MYT1L: variants seen among roughly 807,000 people sequenced by gnomAD.
MYT1L encodes the protein myelin transcription factor 1 like, also known as myelin transcription factor 1-like protein.
A neutral mutation model predicts 126.7 loss-of-function variants in MYT1L; 12 were observed. That is an observed-to-expected ratio of 0.09 (90% CI 0.06 to 0.15). The LOEUF is 0.15. Ranked by LOEUF, MYT1L falls within the 10% of genes least tolerant of loss-of-function variation. The pLI is 1.00. For synonymous variants in MYT1L, 541 were observed against 604.2 expected (o/e 0.90, Z 1.53); for missense variants, 979 against 1,585.2 (o/e 0.62, Z 6.49).
At chr2:2,166,499 C>T (rs761520113) in intron 3 of MYT1L, among the ~76,000 whole-genome samples, 27 of 152,176 alleles carry the variant, frequency 1.8e-4, no homozygotes, top group Non-Finnish European at 3.4e-4. Flanking sequence ...GAATTGAAAT[C>T]CAGAGCTGTT....
At chr2:2,249,708 C>A (rs554617964) in intron 2 of MYT1L, among the ~76,000 whole-genome samples, 3 of 151,924 alleles carry the variant, frequency 2.0e-5, no homozygotes, top group East Asian at 1.9e-4. Flanking sequence ...TTCTTCACAG[C>A]AAAGGAAACA....
chr2:2,097,744 G>A (rs2077598188), intron 3 of MYT1L, among the ~76,000 whole-genome samples: 2 of 152,102 alleles, frequency 1.3e-5, no homozygotes, highest in East Asian at 1.9e-4. Flanking sequence ...GGTACTCATC[G>A]GGTATATGAT....
At chr2:2,011,246 C>A (rs887876127) in intron 4 of MYT1L, among the ~76,000 whole-genome samples, 1 of 151,918 alleles carries the variant, frequency 6.6e-6, no homozygotes, top group African/African-American at 2.4e-5. Context: ...AAAAAATTAG[C>A]CAGGCATGGT....
chr2:1,971,322 G>A (rs936568129), intron 8 of MYT1L, among the ~76,000 whole-genome samples: 3 of 152,298 alleles, frequency 2.0e-5, no homozygotes, highest in East Asian at 3.9e-4. Context: ...TGGGGCTGAC[G>A]CACTACAGAC....
At chr2:1,975,244 G>GACTGCCAGATCCCACCGCCAGATCCC (rs2060079657) in intron 8 of MYT1L, among the ~76,000 whole-genome samples, 1 of 60,354 alleles carries the variant, frequency 1.7e-5, no homozygotes, top group Non-Finnish European at 2.9e-5. Flanking sequence ...TCACCAAACA[G>GACTGCCAGATCCCACCGCCAGATCCC]ACTGCCAGAT....
chr2:2,237,882 C>T (rs575977517), intron 2 of MYT1L, among the ~76,000 whole-genome samples: 19 of 152,232 alleles, frequency 1.2e-4, no homozygotes, highest in East Asian at 3.9e-4. Context: ...CCTGGGACAG[C>T]GGTCACCTGC....
At chr2:2,072,549 CT>C (rs1414327134) in intron 3 of MYT1L, among the ~76,000 whole-genome samples, 1 of 152,150 alleles carries the variant, frequency 6.6e-6, no homozygotes, top group Non-Finnish European at 1.5e-5. Flanking sequence ...ACCTTGGTAG[CT>C]TACAAATAAC....
chr2:1,833,537 CCTCCGTCCTGGGCTT>C (rs1195399009), intron 21 of MYT1L, among the ~76,000 whole-genome samples: 6 of 152,180 alleles, frequency 3.9e-5, no homozygotes, highest in African/African-American at 1.4e-4. Flanking sequence ...CTCCCTGACT[CCTCCGTCCTGGGCTT>C]CTCCATGTGC....
At chr2:2,154,807 C>T (rs1007390188) in intron 3 of MYT1L, among the ~76,000 whole-genome samples, 2 of 152,162 alleles carry the variant, frequency 1.3e-5, no homozygotes, top group African/African-American at 2.4e-5. Context: ...CAAACCTGCA[C>T]ATGTACCCCT....
intron 9 of MYT1L, among the ~76,000 whole-genome samples, chr2:1,941,665 G>GTAATT (rs2056661392): frequency 1.4e-5 from 2 of 140,764 alleles, no homozygotes; most frequent in African/African-American, 5.3e-5. Context: ...TTTATGTAAT[G>GTAATT]CATGTGTGTG....
intron 4 of MYT1L, among the ~76,000 whole-genome samples, chr2:2,014,838 G>A (rs938842140): frequency 1.3e-5 from 2 of 152,246 alleles, no homozygotes; most frequent in African/African-American, 2.4e-5. Context: ...TTCCCCTTAA[G>A]AGGGGTGCTA....
intron 3 of MYT1L, among the ~76,000 whole-genome samples, chr2:2,056,071 A>T (rs2069512765): frequency 6.6e-6 from 1 of 152,232 alleles, no homozygotes; most frequent in South Asian, 2.1e-4. Flanking sequence ...AAGTATCTAC[A>T]AAACAGAATT....
intron 9 of MYT1L, among the ~76,000 whole-genome samples, chr2:1,939,816 G>A (rs904220861): frequency 6.6e-6 from 1 of 152,230 alleles, no homozygotes. Flanking sequence ...TGCAGGTGAC[G>A]TTGGCTAAAT....
At chr2:1,844,549 G>T (rs762848491) in intron 19 of MYT1L, among the ~76,000 whole-genome samples, 3 of 152,176 alleles carry the variant, frequency 2.0e-5, no homozygotes, top group Non-Finnish European at 4.4e-5. Context: ...TTGCGCCAAG[G>T]GAGAGAAGGA....
intron 2 of MYT1L, among the ~76,000 whole-genome samples, chr2:2,271,404 G>A (rs577272865): frequency 1.7e-4 from 26 of 152,140 alleles, no homozygotes; most frequent in Non-Finnish European, 3.5e-4. Context: ...ATATGATAAA[G>A]GATGGCTTAA....
At chr2:2,147,760 C>T (rs1004839561) in intron 3 of MYT1L, among the ~76,000 whole-genome samples, 3 of 152,196 alleles carry the variant, frequency 2.0e-5, no homozygotes, top group African/African-American at 4.8e-5. Flanking sequence ...GTGTCTGCGT[C>T]CCAGACGAGG....
intron 15 of MYT1L, among the ~76,000 whole-genome samples, chr2:1,891,707 C>A (rs1028747793): frequency 2.8e-4 from 42 of 152,248 alleles, no homozygotes; most frequent in African/African-American, 8.9e-4. Context: ...ATGCTCTGTG[C>A]GGTCACTGGA....
intron 2 of MYT1L, among the ~76,000 whole-genome samples, chr2:2,245,732 G>A (rs534708237): frequency 1.7e-4 from 26 of 152,144 alleles, no homozygotes; most frequent in Admixed American, 3.9e-4. Context: ...TCAGCCCAGC[G>A]CATGCTTTCA....
chr2:1,939,898 G>A (rs190087326), intron 9 of MYT1L, among the ~76,000 whole-genome samples: 12 of 152,380 alleles, frequency 7.9e-5, no homozygotes, highest in East Asian at 1.9e-4. Flanking sequence ...CTTCGTGAGC[G>A]TGTCTCCAGG....
Sources: allele counts gnomAD v4.1 joint callset (sites outside exome capture counted in the v4.1 genomes callset), GRCh38; gene constraint gnomAD v4.1.1; transcripts MANE v1.5; gene names NCBI Gene and HGNC (gene_info 2026-07-23, HGNC 2026-07-21).